APBA1: variants seen among roughly 807,000 people sequenced by gnomAD.
APBA1 encodes amyloid beta precursor protein binding family A member 1.
Under a neutral mutation model 86.6 loss-of-function variants are expected in APBA1, and 55 were observed. The observed-to-expected ratio is 0.64, with a 90% CI of 0.51 to 0.80. The LOEUF (loss-of-function observed/expected upper bound fraction) is 0.80, where lower values mean the gene tolerates loss of function less well. APBA1 is among the 30% of genes least tolerant of loss of function. APBA1 has a pLI of 0.00. For missense variants in APBA1, 1,090 were observed against 1,183.0 expected (o/e 0.92, Z 1.15); for synonymous variants, 511 against 493.9 (o/e 1.03, Z -0.46).
At chr9:69,558,146 C>T (rs1836890835) in intron 1 of APBA1, among the ~76,000 whole-genome samples, 1 of 152,104 alleles carries the variant, frequency 6.6e-6, no homozygotes, top group African/African-American at 2.4e-5. Flanking sequence ...GCATTAAAGT[C>T]TATTTTGCAT....
intron 10 of APBA1, among the ~76,000 whole-genome samples, chr9:69,446,837 T>C (rs1281557530): frequency 1.3e-5 from 2 of 152,200 alleles, no homozygotes; most frequent in African/African-American, 4.8e-5. Flanking sequence ...GGCCATGAGC[T>C]GGAGTCTTAA....
chr9:69,537,321 A>G lies in APBA1; in HGVS notation c.-69-20042T>C, dbSNP rs78616465. On this transcript the variant is annotated intron_variant, in intron 1 of 12. Transcript: ENST00000265381. ...TGATGTGTCTTTAGCTCTGCAATCA[A>G]ACTGTCTTACGAATACTTCACCTCT... is the stretch of plus-strand genomic sequence containing the variant. Among the ~76,000 whole-genome samples, 27 of 152,148 alleles carry G rather than the reference A, an allele frequency of 1.8e-4. No individual in the cohort carries two copies. The East Asian group carries it at 5.0e-3, about 28-fold the overall frequency.
At chr9:69,475,709 T>G (rs1835433670) in intron 3 of APBA1, among the ~76,000 whole-genome samples, 1 of 151,930 alleles carries the variant, frequency 6.6e-6, no homozygotes, top group East Asian at 1.9e-4. Context: ...GTACGTCGAG[T>G]TTTTGGTGTC....
chr9:69,536,145 A>C (rs1836505952), intron 1 of APBA1, among the ~76,000 whole-genome samples: 1 of 151,868 alleles, frequency 6.6e-6, no homozygotes, highest in Non-Finnish European at 1.5e-5. Context: ...TCTCTTATTC[A>C]TAATCATTAG....
Position 69,431,200 on chromosome 9 carries a change from C to A in APBA1, c.*127G>T. On this transcript the variant is annotated 3_prime_UTR_variant, in exon 13 of 13. Coordinates refer to ENST00000265381, the MANE Select transcript of APBA1 (RefSeq NM_001163.4). ...AGTAAAGAGGTCCTTGTGGATTCTTCTCTTCCTGTGTAAAACCAAATGCTG... is the reference window on the plus strand; with the variant it reads ...AGTAAAGAGGTCCTTGTGGATTCTTATCTTCCTGTGTAAAACCAAATGCTG... The A allele has an allele frequency of 2.1e-5, 11 of 524,672 alleles. No individual in the cohort carries two copies. Among genetic ancestry groups the A allele is most frequent in the East Asian group, 4.1e-5 (1 of 24,182 alleles). 32.5% of individuals were successfully genotyped at this position (524,672 alleles called of 1,614,324 possible).
chr9:69,608,157 G>C (rs913580228), intron 1 of APBA1, among the ~76,000 whole-genome samples: 2 of 152,084 alleles, frequency 1.3e-5, no homozygotes, highest in East Asian at 3.8e-4. Flanking sequence ...ATATGCAGTG[G>C]TATTCCCCCA....
chr9:69,669,847 T>A (rs1322697441), intron 1 of APBA1, among the ~76,000 whole-genome samples: 4 of 152,228 alleles, frequency 2.6e-5, no homozygotes, highest in African/African-American at 9.6e-5. Flanking sequence ...TCGATTTTGC[T>A]GCTGTGTAAT....
chr9:69,460,157 C>T (rs1835166007), intron 5 of APBA1, among the ~76,000 whole-genome samples: 1 of 152,204 alleles, frequency 6.6e-6, no homozygotes, highest in African/African-American at 2.4e-5. Context: ...CTGGATAAGT[C>T]AGCCATCCAG....
intron 10 of APBA1, among the ~76,000 whole-genome samples, chr9:69,444,580 T>C (rs767188960): frequency 5.3e-5 from 8 of 152,174 alleles, no homozygotes; most frequent in Non-Finnish European, 8.8e-5. Context: ...ATTTCAATGA[T>C]TGCACCCCCT....
chr9:69,664,862 G>A (rs1823815818), intron 1 of APBA1, among the ~76,000 whole-genome samples: 1 of 152,210 alleles, frequency 6.6e-6, no homozygotes, highest in Non-Finnish European at 1.5e-5. Flanking sequence ...ACTGCAGGCA[G>A]TTGTCACAAT....
chr9:69,443,419 G>C (rs1042614456), intron 10 of APBA1, among the ~76,000 whole-genome samples: 11 of 152,236 alleles, frequency 7.2e-5, no homozygotes, highest in Non-Finnish European at 1.5e-5. Context: ...CTCAGTGAGA[G>C]CAGGCGCTGG....
In APBA1 at chr9:69,553,290, C is replaced by T. The variant is rs192118339; in HGVS notation, c.-69-36011G>A. ...ATGAATGTGTGTATGTGTGTGTGCG[C>T]TTGTATACACATCCTTGTAAGATAT... On this transcript the variant is annotated intron_variant, in intron 1 of 12. Transcript: ENST00000265381. Among the ~76,000 whole-genome samples the T allele has an allele frequency of 1.6e-3, 251 of 152,244 alleles. 2 individuals are homozygous for T. Among genetic ancestry groups the T allele is most frequent in the Non-Finnish European group, 3.1e-4 (21 of 68,008 alleles).
chr9:69,491,387 T>G (rs969278202), intron 2 of APBA1, among the ~76,000 whole-genome samples: 1 of 151,372 alleles, frequency 6.6e-6, no homozygotes. Context: ...TTCTCACTCA[T>G]AGGTGGGAAT....
chr9:69,453,859 C>G (rs1835052903), intron 8 of APBA1, among the ~76,000 whole-genome samples: 1 of 152,210 alleles, frequency 6.6e-6, no homozygotes, highest in Non-Finnish European at 1.5e-5. Flanking sequence ...TCAAAAATCC[C>G]TTTTGTTTCT....
chr9:69,522,259 A>C (rs4744906), intron 1 of APBA1, among the ~76,000 whole-genome samples: 110,638 of 151,498 alleles, frequency 0.73, 40,808 homozygotes, highest in East Asian at 0.91. Flanking sequence ...AGAAGGTGGT[A>C]AAGGAATTTT....
chr9:69,462,056 GAATATATGAAT>G (rs1227118865), intron 5 of APBA1: 6 of 152,202 alleles, frequency 3.9e-5, no homozygotes, highest in African/African-American at 1.2e-4. Context: ...TAGTTAAGAT[GAATATATGAAT>G]ATTTGATAAT....
At chr9:69,523,930 A>C (rs773633007) in intron 1 of APBA1, among the ~76,000 whole-genome samples, 6 of 152,160 alleles carry the variant, frequency 3.9e-5, no homozygotes, top group Non-Finnish European at 8.8e-5. Context: ...TACCAAGAAG[A>C]TCTCTCAAAA....
chr9:69,432,078 ATGAC>A lies in APBA1; in HGVS notation c.2442+454_2442+457del, dbSNP rs542152980. On this transcript the variant is annotated intron_variant, in intron 12 of 12. Transcript: ENST00000265381. ...ATAGGAGTGATGAATGGCAACAATG[ATGAC>A]TGACTGACAGCTGTGATGACTGACA... Among the ~76,000 whole-genome samples the A allele has an allele frequency of 1.0e-3, 159 of 152,336 alleles. 2 individuals are homozygous for A. In the South Asian group the frequency reaches 0.013, roughly 12 times the overall value.
rs1446507937 is a variant in APBA1, at chr9:69,659,533, C to T, written c.-70+12620G>A. 6.6e-5 allele frequency among the ~76,000 whole-genome samples: 10 copies of T among 152,158 alleles called. No individual in the cohort carries two copies. In the East Asian group the frequency reaches 1.7e-3, roughly 26 times the overall value. On this transcript the variant is annotated intron_variant, in intron 1 of 12. Coordinates refer to ENST00000265381, the MANE Select transcript of APBA1 (RefSeq NM_001163.4). ...CTGCCCTCTCCACATCACCCCATCGCCTCTGCATCCATCCACTAAAGGTAA... is the reference window on the plus strand; with the variant it reads ...CTGCCCTCTCCACATCACCCCATCGTCTCTGCATCCATCCACTAAAGGTAA...
Sources: allele counts gnomAD v4.1 joint callset (sites outside exome capture counted in the v4.1 genomes callset), GRCh38; gene constraint gnomAD v4.1.1; transcripts MANE v1.5; gene names NCBI Gene and HGNC (gene_info 2026-07-23, HGNC 2026-07-21).